The following ROR2 variants were observed in gnomAD, a reference collection of about 807,000 sequenced individuals.
ROR2 encodes ROR family WNT receptor 2.
A neutral mutation model predicts 74.9 loss-of-function variants in ROR2; 33 were observed. The ratio of observed to expected loss-of-function variants is 0.44; its 90% CI spans 0.33 to 0.59. ROR2 has a LOEUF of 0.59. Among genes scored for constraint, ROR2 ranks in the 20% least tolerant of loss-of-function variants. The probability of loss-of-function intolerance (pLI) is 0.02; values close to 1 mark genes in which losing one functional copy is unlikely to be tolerated. For missense variants in ROR2, 1,216 were observed against 1,313.8 expected (o/e 0.93, Z 1.15); for synonymous variants, 586 against 558.7 (o/e 1.05, Z -0.69).
At chr9:91,811,070 G>A (rs1217689758) in intron 1 of ROR2, among the ~76,000 whole-genome samples, 1 of 152,246 alleles carries the variant, frequency 6.6e-6, no homozygotes, top group Non-Finnish European at 1.5e-5. Context: ...GCCTGAGGAG[G>A]CTGGCTAGGA....
chr9:91,839,876 C>A (rs1340940884), intron 1 of ROR2, among the ~76,000 whole-genome samples: 1 of 152,084 alleles, frequency 6.6e-6, no homozygotes, highest in African/African-American at 2.4e-5. Flanking sequence ...CCCTTCTCAA[C>A]CACCTTTTAC....
intron 1 of ROR2, among the ~76,000 whole-genome samples, chr9:91,859,691 G>T (rs772897012): frequency 6.6e-6 from 1 of 152,044 alleles, no homozygotes; most frequent in South Asian, 2.1e-4. Flanking sequence ...CGGTCGTGGT[G>T]GTGCACACCT....
chr9:91,859,163 C>T (rs1428560919), intron 1 of ROR2, among the ~76,000 whole-genome samples: 1 of 150,196 alleles, frequency 6.7e-6, no homozygotes, highest in African/African-American at 2.5e-5. Context: ...GGATGGAACT[C>T]ATTCCTGCCA....
intron 2 of ROR2, among the ~76,000 whole-genome samples, chr9:91,774,345 CTG>C (rs1325074807): frequency 3.3e-5 from 5 of 152,182 alleles, no homozygotes; most frequent in African/African-American, 1.2e-4. Flanking sequence ...CAGAGCCACT[CTG>C]TAGATTGGAC....
At chr9:91,735,653 T>G (rs1824996233) in intron 5 of ROR2, among the ~76,000 whole-genome samples, 2 of 122,646 alleles carry the variant, frequency 1.6e-5, no homozygotes, top group Non-Finnish European at 1.6e-5. Flanking sequence ...TGAGACAGAG[T>G]CTTGCTCTGT....
Position 91,935,515 on chromosome 9 carries a change from C to T in ROR2, c.97+14352G>A, listed in dbSNP as rs994679802. Among the ~76,000 whole-genome samples the T allele has an allele frequency of 4.6e-5, 7 of 152,330 alleles. No homozygotes were observed. The South Asian group carries it at 8.3e-4, about 18-fold the overall frequency. On this transcript the variant is annotated intron_variant, in intron 1 of 8. Coordinates refer to ENST00000375708, the MANE Select transcript of ROR2 (RefSeq NM_004560.4). ...CCTACTTCAAAGGGCTTCCAGGTCC[C>T]GCATAAATCACACTTGCTGACAGCC...
intron 1 of ROR2, among the ~76,000 whole-genome samples, chr9:91,881,352 C>A (rs1332727731): frequency 6.6e-6 from 1 of 152,186 alleles, no homozygotes; most frequent in African/African-American, 2.4e-5. Context: ...TACAATGAGT[C>A]CTATGTCCTC....
chr9:91,891,899 T>C (rs1414436952), intron 1 of ROR2, among the ~76,000 whole-genome samples: 1 of 151,944 alleles, frequency 6.6e-6, no homozygotes, highest in Non-Finnish European at 1.5e-5. Context: ...AATACAAAAA[T>C]TAGCCAGGCG....
intron 4 of ROR2, among the ~76,000 whole-genome samples, chr9:91,739,488 A>C (rs1825144525): frequency 6.7e-6 from 1 of 150,092 alleles, no homozygotes; most frequent in Non-Finnish European, 1.5e-5. Flanking sequence ...CCTGGGTGAC[A>C]AGAGCAAGAC....
At chr9:91,909,756 T>C (rs1830905122) in intron 1 of ROR2, among the ~76,000 whole-genome samples, 1 of 151,168 alleles carries the variant, frequency 6.6e-6, no homozygotes, top group Non-Finnish European at 1.5e-5. Context: ...AGTAAAGACA[T>C]ACTGGACATA....
At chr9:91,788,315 C>T (rs562701315) in intron 1 of ROR2, among the ~76,000 whole-genome samples, 1 of 152,160 alleles carries the variant, frequency 6.6e-6, no homozygotes, top group Admixed American at 6.5e-5. Flanking sequence ...TAACTGAAAA[C>T]TCACCAAGTT....
At chr9:91,823,639 G>A (rs2119155872) in intron 1 of ROR2, among the ~76,000 whole-genome samples, 1 of 152,326 alleles carries the variant, frequency 6.6e-6, no homozygotes. Flanking sequence ...GGAAGTGGGG[G>A]CAAGAAACAG....
At chr9:91,778,399 C>G (rs1268411074) in intron 1 of ROR2, among the ~76,000 whole-genome samples, 1 of 152,214 alleles carries the variant, frequency 6.6e-6, no homozygotes, top group African/African-American at 2.4e-5. Context: ...GCAACATCTC[C>G]TCGGTGCCTG....
intron 1 of ROR2, among the ~76,000 whole-genome samples, chr9:91,935,844 A>T (rs1831668346): frequency 6.6e-6 from 1 of 152,250 alleles, no homozygotes. Context: ...ACAGATGGGC[A>T]GCCTAGCAAT....
chr9:91,826,703 G>A (rs1301347828), intron 1 of ROR2, among the ~76,000 whole-genome samples: 1 of 151,502 alleles, frequency 6.6e-6, no homozygotes, highest in Non-Finnish European at 1.5e-5. Flanking sequence ...AGAATGGCGT[G>A]AACCCGGGAG....
chr9:91,842,815 G>A (rs1341288585), intron 1 of ROR2, among the ~76,000 whole-genome samples: 1 of 152,198 alleles, frequency 6.6e-6, no homozygotes. Flanking sequence ...CATCCAGCTG[G>A]CACACAGGTG....
rs749978985 is a variant in ROR2, at chr9:91,724,153, C to T, written c.2341G>A (p.Val781Met). 1 of 1,611,946 alleles carries T rather than the reference C, an allele frequency of 6.2e-7. No homozygotes were observed. The highest frequency in any genetic ancestry group is 1.1e-5 in the South Asian group (1 of 91,080). The change falls in exon 9 of 9, where the codon GTG (valine) becomes ATG (methionine). Residue 781 changes from valine to methionine, a missense_variant. Coordinates refer to ENST00000375708, the MANE Select transcript of ROR2 (RefSeq NM_004560.4). ...GGCCCCACGTAGCGGGCGTTGCTCA[C>T]ATTGCTCACTGGGCTGGTGCTCAGG... ...SSLSTSPVSNVSNARYVGPKQ... is the reference protein window; with the variant it reads ...SSLSTSPVSNMSNARYVGPKQ...
intron 1 of ROR2, among the ~76,000 whole-genome samples, chr9:91,786,472 G>A (rs1203451459): frequency 1.3e-5 from 2 of 152,072 alleles, no homozygotes; most frequent in African/African-American, 4.8e-5. Flanking sequence ...AAAATATGAG[G>A]TGAAAATTGT....
At chr9:91,911,250 C>A (rs1351885493) in intron 1 of ROR2, among the ~76,000 whole-genome samples, 1 of 152,216 alleles carries the variant, frequency 6.6e-6, no homozygotes, top group Admixed American at 6.5e-5. Context: ...GGGATACATT[C>A]TGAGAAATGC....
Sources: gnomAD v4.1 joint callset for allele counts (sites outside exome capture counted in the v4.1 genomes callset) on GRCh38, gnomAD v4.1.1 for gene constraint, MANE v1.5 for transcripts, NCBI Gene and HGNC (gene_info 2026-07-23, HGNC 2026-07-21) for gene names.